The following COL6A2 variants were observed in gnomAD, a reference collection of about 807,000 sequenced individuals.
COL6A2 encodes the protein collagen alpha-2(VI) chain.
Under a neutral mutation model 124.9 loss-of-function variants are expected in COL6A2, and 90 were observed. That is an observed-to-expected ratio of 0.72 (90% CI 0.61 to 0.86). The LOEUF is 0.86. Among genes scored for constraint, COL6A2 ranks in the 40% least tolerant of loss-of-function variants. COL6A2 has a pLI of 0.00. For synonymous variants in COL6A2, 793 were observed against 618.2 expected (o/e 1.28, Z -4.19); for missense variants, 1,607 against 1,502.5 (o/e 1.07, Z -1.15).
At chr21:46,099,637 G>T (rs2078265792) in intron 1 of COL6A2, among the ~76,000 whole-genome samples, 1 of 152,168 alleles carries the variant, frequency 6.6e-6, no homozygotes, top group Non-Finnish European at 1.5e-5. Flanking sequence ...TCATGGAAGG[G>T]GCCCTACCCA....
intron 23 of COL6A2, 121 bp from the exon 24 acceptor site, chr21:46,125,145 T>C: frequency 9.1e-7 from 1 of 1,096,690 alleles, no homozygotes; most frequent in Non-Finnish European, 1.4e-6. Flanking sequence ...CCCGCCAGCC[T>C]CCCCGCATGG....
intron 1 of COL6A2, among the ~76,000 whole-genome samples, chr21:46,104,798 A>G (rs1288998341): frequency 6.6e-6 from 1 of 152,246 alleles, no homozygotes; most frequent in African/African-American, 2.4e-5. Context: ...ATGATTCATC[A>G]CATGTAAGGA....
chr21:46,132,489 G>C lies in COL6A2; in HGVS notation c.2997G>C (p.Glu999Asp). 1.9e-6 allele frequency: 3 copies of C among 1,607,478 alleles called. No individual in the cohort carries two copies. Among genetic ancestry groups the C allele is most frequent in the African/African-American group, 2.7e-5 (2 of 74,968 alleles). Reference sequence around the variant, plus strand: ...GTGACCGCGCCGCCGTGTTCCACGAGAAGGACTATGACAGCCTGGCGCAAC... The same window carrying C: ...GTGACCGCGCCGCCGTGTTCCACGACAAGGACTATGACAGCCTGGCGCAAC... ...SLGDRAAVFH[E>D]KDYDSLAQPG... is the part of the protein sequence containing the mutation. The change falls in exon 28 of 28, where the codon GAG becomes GAC. Residue 999 changes from glutamate (E) to aspartate (D), a missense_variant. Transcript: ENST00000300527.
At chr21:46,126,319 C>T in intron 26 of COL6A2, 82 bp downstream of exon 26, 1 of 1,543,752 alleles carries the variant, frequency 6.5e-7, no homozygotes, top group Non-Finnish European at 8.9e-7. Flanking sequence ...GGACACCCCT[C>T]ACCTGAGGGA....
chr21:46,112,724 C>A, intron 3 of COL6A2, 80 bp from the exon 4 acceptor site: 1 of 1,607,160 alleles, frequency 6.2e-7, no homozygotes, highest in Non-Finnish European at 8.5e-7. Flanking sequence ...AGGTGTCCCT[C>A]CATCCCCACC....
intron 5 of COL6A2, among the ~76,000 whole-genome samples, chr21:46,114,875 A>G (rs565588199): frequency 1.3e-5 from 2 of 152,386 alleles, no homozygotes; most frequent in East Asian, 3.9e-4. Context: ...AGGAGGAGAA[A>G]GTAGCTTCTA....
Position 46,126,485 on chromosome 21 carries a change from C to G in COL6A2, c.2423-18C>G, listed in dbSNP as rs866625140. On this transcript the variant is annotated intron_variant, in intron 26 of 27. Transcript: ENST00000300527. ...GGGACTGACCCTGGCCTGGCCCGGCCTCTCTCCTCTCTTCCAGACCCTCAG... is the reference window on the plus strand; with the variant it reads ...GGGACTGACCCTGGCCTGGCCCGGCGTCTCTCCTCTCTTCCAGACCCTCAG... 6.2e-7 allele frequency: 1 copy of G among 1,613,092 alleles called. No homozygotes were observed. The highest frequency in any genetic ancestry group is 8.5e-7 in the Non-Finnish European group (1 of 1,179,620).
intron 11 of COL6A2, 127 bp from the exon 12 acceptor site, chr21:46,117,747 G>C (rs2078495207): frequency 5.6e-6 from 5 of 896,126 alleles, no homozygotes; most frequent in Non-Finnish European, 8.2e-6. Context: ...CTTGGTCACT[G>C]AGCCTGGGCC....
At chr21:46,105,466 G>T (rs2078326792) in intron 1 of COL6A2, among the ~76,000 whole-genome samples, 4 of 152,188 alleles carry the variant, frequency 2.6e-5, no homozygotes, top group Admixed American at 2.6e-4. Context: ...TAACAATGGT[G>T]TGTAATGCTG....
At chr21:46,129,097 CG>C in intron 27 of COL6A2, 1 of 1,602,924 alleles carries the variant, frequency 6.2e-7, no homozygotes, top group South Asian at 1.1e-5. Context: ...GCCCAAATGC[CG>C]CTCTTCACTC....
chr21:46,126,583 G>A lies in COL6A2; in HGVS notation c.2461+42G>A, dbSNP rs202043587. The A allele has an allele frequency of 3.5e-5, 56 of 1,612,318 alleles. No homozygotes were observed. In the Admixed American group the frequency reaches 8.8e-4, roughly 25 times the overall value. On this transcript the variant is annotated intron_variant, in intron 27 of 27. Transcript: ENST00000300527. ...TGAGCCACCACCCCAGACTAGCAAA[G>A]CAGCCCTGGTGTCCTTCCTCCTCGA...
Position 46,116,614 on chromosome 21 carries a change from G to C in COL6A2, c.928-37G>C. On this transcript the variant is annotated intron_variant, in intron 8 of 27. Coordinates refer to ENST00000300527, the MANE Select transcript of COL6A2 (RefSeq NM_001849.4). The surrounding 1 kb of genome is among the most constrained non-coding windows in gnomAD (Gnocchi z 4.6). Reference sequence around the variant, plus strand: ...GCAGCAGTGCCCATGATGCTTTGAGGCACCGAGCTCACTGCGCCGGCTTTC... The same window carrying C: ...GCAGCAGTGCCCATGATGCTTTGAGCCACCGAGCTCACTGCGCCGGCTTTC... 3 of 1,612,712 alleles carry C rather than the reference G, an allele frequency of 1.9e-6. No homozygotes were observed. Among genetic ancestry groups the C allele is most frequent in the African/African-American group, 2.7e-5 (2 of 75,048 alleles).
rs749140095 is a variant in COL6A2 at position 46,121,163 on chromosome 21, C to T, written c.1458+40C>T. On this transcript the variant is annotated intron_variant, in intron 17 of 27. Transcript: ENST00000300527. ...AGGAGGCCGGTGCCCTCTGACCCCA[C>T]GGGTGGGTCTCCCCTATCCATGTGG... The T allele has an allele frequency of 4.9e-5, 78 of 1,593,814 alleles. 1 individual carries two copies. The highest frequency in any genetic ancestry group is 1.4e-4 in the South Asian group (13 of 90,642).
At chr21:46,127,823 G>C (rs1482595339) in intron 27 of COL6A2, among the ~76,000 whole-genome samples, 3 of 152,212 alleles carry the variant, frequency 2.0e-5, no homozygotes, top group African/African-American at 7.2e-5. Context: ...TGCTGCGTCT[G>C]TGGATGTCAC....
rs201283829 is a variant in COL6A2, at chr21:46,116,627, T to G, written c.928-24T>G. On this transcript the variant is annotated intron_variant, in intron 8 of 27. Coordinates refer to ENST00000300527, the MANE Select transcript of COL6A2 (RefSeq NM_001849.4). This position sits in a 1 kb window ranked among gnomAD's most constrained non-coding sequence, Gnocchi z 4.6. ...TGATGCTTTGAGGCACCGAGCTCAC[T>G]GCGCCGGCTTTCCTCCTACACAGGG... 1 of 1,612,910 alleles carries G rather than the reference T, an allele frequency of 6.2e-7. No individual in the cohort carries two copies. Among genetic ancestry groups the G allele is most frequent in the Non-Finnish European group, 8.5e-7 (1 of 1,179,996 alleles).
chr21:46,104,373 A>G (rs952342590), intron 1 of COL6A2, among the ~76,000 whole-genome samples: 2 of 152,218 alleles, frequency 1.3e-5, no homozygotes, highest in Non-Finnish European at 2.9e-5. Flanking sequence ...CTGGAGCTGA[A>G]AAGTACAATA....
At chr21:46,127,317 G>A (rs73908541) in intron 27 of COL6A2, among the ~76,000 whole-genome samples, 2,247 of 152,238 alleles carry the variant, frequency 0.015, 55 homozygotes, top group African/African-American at 0.05. Context: ...TCCTCAGCAC[G>A]CGGGTCGCGG....
At position 46,121,572 on chromosome 21, in the gene COL6A2, C is replaced by A. The variant is rs747882926; in HGVS notation, c.1475C>A (p.Pro492His). The A allele has an allele frequency of 1.2e-6, 2 of 1,612,880 alleles. No individual in the cohort carries two copies. Among genetic ancestry groups the A allele is most frequent in the South Asian group, 2.2e-5 (2 of 91,090 alleles). The stretch of plus-strand genomic sequence containing the variant: ...TGCCCTCAGGGATCTCGGGGAGACC[C>A]CGGTGATGCAGGACCCCGTGGAGAC... ...EPGKQGSRGD[P>H]GDAGPRGDSG... is the part of the protein sequence containing the mutation. Residue 492 changes from proline (P) to histidine (H), a missense_variant, in exon 18 of 28, where the codon CCC (proline) becomes CAC (histidine). Physicochemically the swap from Pro to His is moderately conservative, Grantham distance 77 (BLOSUM62 -2). Coordinates refer to ENST00000300527, the MANE Select transcript of COL6A2 (RefSeq NM_001849.4).
Position 46,116,239 on chromosome 21 carries a change from T to G in COL6A2, c.901-138T>G. On this transcript the variant is annotated intron_variant, in intron 7 of 27. Coordinates refer to ENST00000300527, the MANE Select transcript of COL6A2 (RefSeq NM_001849.4). The surrounding 1 kb of genome is among the most constrained non-coding windows in gnomAD (Gnocchi z 4.6). The stretch of plus-strand genomic sequence containing the variant: ...CTCCAGCCCGACCCAGGGCTCAGCC[T>G]CCTCCGCAGACTGTTTGTCGAGAAC... 1 of 1,187,482 alleles carries G rather than the reference T, an allele frequency of 8.4e-7. No homozygotes were observed. The highest frequency in any genetic ancestry group is 2.0e-5 in the Admixed American group (1 of 51,064). 73.6% of individuals were successfully genotyped at this position (1,187,482 alleles called of 1,614,324 possible). A position where few individuals can be genotyped will look rare whatever the true frequency, so the allele number is the denominator to read the frequency against.
Sources: gnomAD v4.1 joint callset for allele counts (sites outside exome capture counted in the v4.1 genomes callset) on GRCh38, gnomAD v4.1.1 for gene constraint, Gnocchi (gnomAD v3.1) non-coding constraint, MANE v1.5 for transcripts, NCBI Gene and HGNC (gene_info 2026-07-23, HGNC 2026-07-21) for gene names.